Variants in SPATA6 observed in about 807,000 individuals in gnomAD.
SPATA6 encodes spermatogenesis-associated protein 6.
A neutral mutation model predicts 65.3 loss-of-function variants in SPATA6; 56 were observed. The ratio of observed to expected loss-of-function variants is 0.86; its 90% confidence interval spans 0.69 to 1.07. SPATA6 has a LOEUF of 1.07. SPATA6 is among the 50% of genes least tolerant of loss of function. SPATA6 has a pLI of 0.00. For missense variants in SPATA6, 590 were observed against 594.8 expected (o/e 0.99, Z 0.08); for synonymous variants, 199 against 213.2 (o/e 0.93, Z 0.58).
chr1:48,367,963 C>T (rs894730116), intron 9 of SPATA6, among the ~76,000 whole-genome samples: 5 of 152,116 alleles, frequency 3.3e-5, no homozygotes, highest in Admixed American at 6.5e-5. Flanking sequence ...TTAGTGCTTC[C>T]TTCAGGAGCT....
chr1:48,460,889 T>A (rs2148185067), intron 1 of SPATA6, among the ~76,000 whole-genome samples: 1 of 151,824 alleles, frequency 6.6e-6, no homozygotes, highest in East Asian at 1.9e-4. Flanking sequence ...CTAAAAACAA[T>A]AAGTTTTTTT....
At chr1:48,446,477 G>A (rs1299909114) in intron 3 of SPATA6, among the ~76,000 whole-genome samples, 1 of 152,152 alleles carries the variant, frequency 6.6e-6, no homozygotes, top group Admixed American at 6.5e-5. Context: ...GCCTGGTGCT[G>A]GAAAAAGTCA....
At chr1:48,316,293 C>T (rs973972386) in intron 11 of SPATA6, among the ~76,000 whole-genome samples, 12 of 152,154 alleles carry the variant, frequency 7.9e-5, no homozygotes, top group Admixed American at 1.3e-4. Context: ...TACTACAAGG[C>T]TACAGTAACC....
chr1:48,372,589 CCT>C (rs1647407258), intron 9 of SPATA6, among the ~76,000 whole-genome samples: 1 of 152,158 alleles, frequency 6.6e-6, no homozygotes. Flanking sequence ...GGATGGTGGC[CCT>C]CTTTTCACAC....
At chr1:48,333,020 G>T (rs887221595) in intron 11 of SPATA6, among the ~76,000 whole-genome samples, 1 of 152,138 alleles carries the variant, frequency 6.6e-6, no homozygotes, top group Non-Finnish European at 1.5e-5. Context: ...AATGTTAAGT[G>T]TCAACTTGAC....
intron 11 of SPATA6, among the ~76,000 whole-genome samples, chr1:48,339,977 T>C (rs956411676): frequency 1.3e-5 from 2 of 151,912 alleles, no homozygotes; most frequent in Non-Finnish European, 2.9e-5. Flanking sequence ...AGCAGGTTAA[T>C]ACATAAAACT....
Position 48,298,893 on chromosome 1 carries a change from G to A in SPATA6, c.1287C>T (p.Ser429=). 6.2e-7 allele frequency: 1 copy of A among 1,611,556 alleles called. No individual in the cohort carries two copies. The highest frequency in any genetic ancestry group is 8.5e-7 in the Non-Finnish European group (1 of 1,179,156). ...DSAYDSDPEY[S]SCQQPRGTFH... is the part of the protein sequence containing the mutation. ...AAGTGCCACGTGGCTGCTGACATGA[G>A]CTATAAAAAGGGATATAAAAGGTTC... Residue 429 remains serine, a splice_region_variant and synonymous_variant, in exon 13 of 13, where the codon AGC becomes AGT. Coordinates refer to ENST00000371847, the MANE Select transcript of SPATA6 (RefSeq NM_019073.4).
chr1:48,436,256 A>G (rs376538239), intron 3 of SPATA6: 2 of 1,613,838 alleles, frequency 1.2e-6, no homozygotes, highest in Non-Finnish European at 8.5e-7. Context: ...GAAAACTGCA[A>G]TGAAGAACGC....
chr1:48,274,206 T>C, the SPATA6 span, among the ~76,000 whole-genome samples: 1 of 152,194 alleles, frequency 6.6e-6, no homozygotes, highest in Non-Finnish European at 1.5e-5. Flanking sequence ...TTTTTTCTTG[T>C]AATTTTATTT....
chr1:48,440,458 A>G (rs1041076907), intron 3 of SPATA6, among the ~76,000 whole-genome samples: 4 of 152,226 alleles, frequency 2.6e-5, no homozygotes, highest in Non-Finnish European at 5.9e-5. Flanking sequence ...AGTCAAGTAA[A>G]TGACAGAATG....
chr1:48,354,840 A>G (rs2148804358), intron 11 of SPATA6, among the ~76,000 whole-genome samples: 1 of 152,254 alleles, frequency 6.6e-6, no homozygotes. Context: ...TCTGGTAGGT[A>G]GTTTACATGA....
chr1:48,303,208 T>C (rs72891522), intron 12 of SPATA6, among the ~76,000 whole-genome samples: 3,457 of 152,256 alleles, frequency 0.023, 92 homozygotes, highest in African/African-American at 0.067. Flanking sequence ...CTGCATACAA[T>C]GTGTAGTGAA....
intron 6 of SPATA6, chr1:48,400,993 A>C (rs1031625536): frequency 4.1e-6 from 1 of 246,354 alleles, no homozygotes; most frequent in Non-Finnish European, 7.4e-6. Flanking sequence ...AATCTTTCTA[A>C]GACCTTGGAA....
rs111354918 is a variant in SPATA6 at position 48,299,001 on chromosome 1, C to T, written c.1287-108G>A. 5.5e-6 allele frequency: 6 copies of T among 1,098,752 alleles called. No individual in the cohort carries two copies. The African/African-American group carries it at 7.9e-5, about 15-fold the overall frequency. 68.1% of individuals were successfully genotyped at this position (1,098,752 alleles called of 1,614,324 possible). A position where few individuals can be genotyped will look rare whatever the true frequency, so the allele number is the denominator to read the frequency against. ...TACTCTATGGCTATTTAATTCTCTG[C>T]TGGGGCTGTGAAAAATAAAACAGAG... On this transcript the variant is annotated intron_variant, in intron 12 of 12. Transcript: ENST00000371847.
intron 9 of SPATA6, among the ~76,000 whole-genome samples, chr1:48,368,122 C>T (rs1413142061): frequency 6.6e-6 from 1 of 152,116 alleles, no homozygotes; most frequent in East Asian, 1.9e-4. Context: ...TGAATATTGG[C>T]CCCCACTCTC....
rs146847354 is a variant in SPATA6 at position 48,419,582 on chromosome 1, C to T, written c.239-6431G>A. Among the ~76,000 whole-genome samples, 693 of 152,212 alleles carry T rather than the reference C, an allele frequency of 4.6e-3. 4 individuals are homozygous for T. Among genetic ancestry groups the T allele is most frequent in the African/African-American group, 0.015 (619 of 41,546 alleles). On this transcript the variant is annotated intron_variant, in intron 3 of 12. Coordinates refer to ENST00000371847, the MANE Select transcript of SPATA6 (RefSeq NM_019073.4). ...GAGATAAATAAAGAAGACATGTAAA[C>T]AGAATAACTTTAAACAGAACAGAGA...
chr1:48,400,122 T>TTA (rs977915902), intron 6 of SPATA6, among the ~76,000 whole-genome samples: 5 of 151,752 alleles, frequency 3.3e-5, no homozygotes, highest in African/African-American at 7.2e-5. Flanking sequence ...TCTGCTATAA[T>TTA]TATATATATA....
rs142098452 is a variant in SPATA6, at chr1:48,328,890, T to C, written c.1195-23012A>G. ...GAGGGTAAATAATTCATTAATTTTG[T>C]ACAGTGTTTTCTGGTAAGTATAGAA... On this transcript the variant is annotated intron_variant, in intron 11 of 12. Transcript: ENST00000371847. 5.2e-3 allele frequency among the ~76,000 whole-genome samples: 789 copies of C among 152,292 alleles called. 19 individuals carry two copies. Among genetic ancestry groups the C allele is most frequent in the South Asian group, 0.05 (242 of 4,830 alleles).
chr1:48,359,942 G>GTAAT (rs1205530573), intron 9 of SPATA6, among the ~76,000 whole-genome samples, 172 bp from the exon 10 acceptor site: 1 of 152,002 alleles, frequency 6.6e-6, no homozygotes, highest in African/African-American at 2.4e-5. Flanking sequence ...TCAGAACATA[G>GTAAT]TAATTAGTCA....
Sources: gnomAD v4.1 joint callset for allele counts (sites outside exome capture counted in the v4.1 genomes callset) on GRCh38, gnomAD v4.1.1 for gene constraint, MANE v1.5 for transcripts, NCBI Gene and HGNC (gene_info 2026-07-23, HGNC 2026-07-21) for gene names.